Variants in SCN11A observed in about 807,000 individuals in gnomAD.
The protein encoded by SCN11A is sodium voltage-gated channel alpha subunit 11.
Under a neutral mutation model 162.2 loss-of-function variants are expected in SCN11A, and 122 were observed. The observed-to-expected ratio is 0.75, with a 90% CI of 0.65 to 0.87. The LOEUF is 0.87. SCN11A is among the 40% of genes least tolerant of loss of function. The probability of loss-of-function intolerance (pLI) is 0.00; values close to 1 mark genes in which losing one functional copy is unlikely to be tolerated. For missense variants in SCN11A, 2,015 were observed against 2,181.6 expected (o/e 0.92, Z 1.52); for synonymous variants, 758 against 751.5 (o/e 1.01, Z -0.14).
intron 2 of SCN11A, among the ~76,000 whole-genome samples, chr3:38,960,634 T>C (rs2066733041): frequency 6.6e-6 from 1 of 152,098 alleles, no homozygotes; most frequent in Admixed American, 6.6e-5. Flanking sequence ...TGTGGCCTGA[T>C]CCAAGTGGGT....
chr3:38,862,735 T>G (rs113952324), intron 28 of SCN11A, among the ~76,000 whole-genome samples: 6,206 of 152,042 alleles, frequency 0.041, 436 homozygotes, highest in African/African-American at 0.14. Context: ...CTTCAGGGAA[T>G]CAAGGAGATG....
intron 28 of SCN11A, among the ~76,000 whole-genome samples, chr3:38,852,864 G>A (rs548653732): frequency 1.3e-5 from 2 of 152,168 alleles, no homozygotes; most frequent in Non-Finnish European, 2.9e-5. Context: ...TATCTCATGC[G>A]ACACTAATCT....
At chr3:39,023,474 G>T (rs1281733208) in intron 2 of SCN11A, among the ~76,000 whole-genome samples, 3 of 152,012 alleles carry the variant, frequency 2.0e-5, no homozygotes, top group Non-Finnish European at 4.4e-5. Flanking sequence ...TTTCTGCAAT[G>T]CTTCCTTTAT....
intron 29 of SCN11A, chr3:38,849,192 T>C (rs2064730998): frequency 6.8e-6 from 1 of 147,806 alleles, no homozygotes; most frequent in African/African-American, 2.5e-5. Flanking sequence ...TCTTTTCTCA[T>C]CAGAGGAAGG....
rs370779865 is a variant in SCN11A, at chr3:38,871,713, T to C, written c.3496-5A>G. On this transcript the variant is annotated splice_region_variant and splice_polypyrimidine_tract_variant and intron_variant, in intron 24 of 29. Coordinates refer to ENST00000302328, the MANE Select transcript of SCN11A (RefSeq NM_001349253.2). ...TATGAGAGCATTGACCACCACCTTA[T>C]GGAAACAAAAGCAAAGAAAACCATA... 1.5e-5 allele frequency: 24 copies of C among 1,579,226 alleles called. No individual in the cohort carries two copies. The African/African-American group carries it at 2.1e-4, about 14-fold the overall frequency.
chr3:38,940,183 GTGGAAGATCTGTA>G (rs2066420660), intron 7 of SCN11A, among the ~76,000 whole-genome samples: 1 of 151,922 alleles, frequency 6.6e-6, no homozygotes, highest in Non-Finnish European at 1.5e-5. Flanking sequence ...AACAAGAATT[GTGGAAGATCTGTA>G]TGAAGAAAAC....
chr3:39,014,971 G>T (rs934411893), intron 2 of SCN11A, among the ~76,000 whole-genome samples: 4 of 152,328 alleles, frequency 2.6e-5, no homozygotes, highest in African/African-American at 9.6e-5. Context: ...CAGTCTTGGT[G>T]TGGGAAAGTC....
chr3:38,919,351 C>T (rs2066009600), intron 11 of SCN11A, among the ~76,000 whole-genome samples: 1 of 152,150 alleles, frequency 6.6e-6, no homozygotes, highest in Non-Finnish European at 1.5e-5. Flanking sequence ...CATCAGAGTA[C>T]CTTGCATATT....
chr3:38,855,263 T>A (rs2066177622), intron 28 of SCN11A, among the ~76,000 whole-genome samples: 1 of 152,306 alleles, frequency 6.6e-6, no homozygotes, highest in East Asian at 1.9e-4. Flanking sequence ...CCCCCACTTC[T>A]CTGGTGATCT....
rs140190117 is a variant in SCN11A at position 38,847,693 on chromosome 3, C to A, written c.4377G>T (p.Pro1459=). The change falls in exon 30 of 30, where the codon CCG becomes CCT. Residue 1459 remains proline (P), a synonymous_variant. Transcript: ENST00000302328. The part of the protein sequence containing the change: ...LENQEHIPFP[P]TLFRIVRLAR... ...CCAAGCGGACAATTCTGAAGAGCGT[C>A]GGAGGGAAAGGAATGTGCTCCTGAT... 6.2e-7 allele frequency: 1 copy of A among 1,612,758 alleles called. No individual in the cohort carries two copies. The highest frequency in any genetic ancestry group is 2.2e-5 in the East Asian group (1 of 44,848).
At chr3:38,986,688 C>G (rs960967066) in intron 2 of SCN11A, among the ~76,000 whole-genome samples, 40 of 151,938 alleles carry the variant, frequency 2.6e-4, no homozygotes, top group Admixed American at 2.6e-3. Context: ...GGGAATGAGC[C>G]AGAGATCAAC....
intron 2 of SCN11A, among the ~76,000 whole-genome samples, chr3:39,002,295 T>A (rs1181793500): frequency 6.6e-6 from 1 of 152,220 alleles, no homozygotes; most frequent in Admixed American, 6.5e-5. Context: ...GTGATTTATT[T>A]TGTCTATAAT....
chr3:38,881,663 T>C (rs890529470), intron 22 of SCN11A, among the ~76,000 whole-genome samples: 1 of 152,202 alleles, frequency 6.6e-6, no homozygotes. Flanking sequence ...TCTGCGTTTC[T>C]AACAAGCTTC....
intron 5 of SCN11A, among the ~76,000 whole-genome samples, chr3:38,947,263 G>A (rs1019935146): frequency 3.9e-5 from 6 of 152,144 alleles, no homozygotes; most frequent in African/African-American, 4.8e-5. Context: ...GATTATTAAC[G>A]AAAACTTTGC....
At chr3:38,881,727 T>A (rs190106171) in intron 22 of SCN11A, among the ~76,000 whole-genome samples, 2 of 152,286 alleles carry the variant, frequency 1.3e-5, no homozygotes, top group East Asian at 3.9e-4. Context: ...AACAACTTGA[T>A]GTCTCTTGTT....
intron 7 of SCN11A, among the ~76,000 whole-genome samples, chr3:38,939,542 G>A (rs2066408076): frequency 6.6e-6 from 1 of 152,142 alleles, no homozygotes; most frequent in Non-Finnish European, 1.5e-5. Flanking sequence ...AAGATTTGCA[G>A]ATATAAATCA....
chr3:38,892,364 C>T (rs954817491), intron 19 of SCN11A, among the ~76,000 whole-genome samples: 8 of 152,098 alleles, frequency 5.3e-5, no homozygotes, highest in Non-Finnish European at 8.8e-5. Flanking sequence ...CTTTTCCTTT[C>T]TTCTTTTAGC....
chr3:38,924,915 T>A (rs1278898732), intron 9 of SCN11A, among the ~76,000 whole-genome samples: 1 of 151,970 alleles, frequency 6.6e-6, no homozygotes, highest in African/African-American at 2.4e-5. Flanking sequence ...CTGTTTCCCA[T>A]GCTCAGAATA....
At chr3:38,915,017 C>T (rs774052223) in intron 11 of SCN11A, among the ~76,000 whole-genome samples, 8 of 151,874 alleles carry the variant, frequency 5.3e-5, no homozygotes, top group Non-Finnish European at 1.0e-4. Flanking sequence ...AGTCTCTGCT[C>T]CTCAATTTTT....
Sources: allele counts gnomAD v4.1 joint callset (sites outside exome capture counted in the v4.1 genomes callset), GRCh38; gene constraint gnomAD v4.1.1; transcripts MANE v1.5; gene names NCBI Gene and HGNC (gene_info 2026-07-23, HGNC 2026-07-21).